The following EBF3 variants were observed in gnomAD, a reference collection of about 807,000 sequenced individuals.
EBF3 encodes EBF transcription factor 3, also known as transcription factor COE3.
In EBF3, 18 loss-of-function variants were observed where a neutral mutation model predicts 77.1. The ratio of observed to expected loss-of-function variants is 0.23; its 90% CI spans 0.16 to 0.35. EBF3 has a LOEUF of 0.35. Among genes scored for constraint, EBF3 ranks in the 10% least tolerant of loss-of-function variants. The pLI, the probability that EBF3 is intolerant of heterozygous loss-of-function variation, is 1.00. For synonymous variants in EBF3, 350 were observed against 343.5 expected (o/e 1.02, Z -0.21); for missense variants, 558 against 860.0 (o/e 0.65, Z 4.39).
rs1296299079 is a variant in EBF3 at position 129,938,686 on chromosome 10, G to A, written c.554+18572C>T. On this transcript the variant is annotated intron_variant, in intron 6 of 16. Coordinates refer to ENST00000440978, the MANE Select transcript of EBF3 (RefSeq NM_001375380.1). This position sits in a 1 kb window ranked among gnomAD's most constrained non-coding sequence, Gnocchi z 5.1. ...CTCCTTGGCTGTTGTCCACGAGAAA[G>A]GTGCGGCTGCAACCGACGAGCACTG... Among the ~76,000 whole-genome samples, 1 of 152,230 alleles carries A rather than the reference G, an allele frequency of 6.6e-6. No individual in the cohort carries two copies. Among genetic ancestry groups the A allele is most frequent in the Non-Finnish European group, 1.5e-5 (1 of 68,050 alleles).
At chr10:129,937,728 C>T (rs948603884) in intron 6 of EBF3, among the ~76,000 whole-genome samples, 4 of 152,132 alleles carry the variant, frequency 2.6e-5, no homozygotes, top group African/African-American at 9.7e-5. Flanking sequence ...TCACCATGGC[C>T]CACCCCCAGG....
At chr10:129,839,909 G>C (rs1433168317) in intron 15 of EBF3, among the ~76,000 whole-genome samples, 1 of 152,242 alleles carries the variant, frequency 6.6e-6, no homozygotes, top group Admixed American at 6.5e-5. Flanking sequence ...GAATCAGACC[G>C]ACAGTGACCA....
At chr10:129,887,319 A>C (rs1382579029) in intron 6 of EBF3, among the ~76,000 whole-genome samples, 1 of 152,220 alleles carries the variant, frequency 6.6e-6, no homozygotes, top group Non-Finnish European at 1.5e-5. Context: ...TTTATCGCTA[A>C]TGTATAATAT....
At chr10:129,855,964 C>T (rs763392268) in intron 10 of EBF3, among the ~76,000 whole-genome samples, 15 of 152,334 alleles carry the variant, frequency 9.8e-5, no homozygotes, top group Middle Eastern at 6.8e-3. Context: ...AAGCCCCTCC[C>T]GAGGCCAGAG....
intron 6 of EBF3, among the ~76,000 whole-genome samples, chr10:129,880,101 G>A (rs984162210): frequency 5.3e-5 from 8 of 152,122 alleles, no homozygotes; most frequent in East Asian, 1.9e-4. Flanking sequence ...AGAACAGAGC[G>A]AGTTTTGATG....
intron 6 of EBF3, among the ~76,000 whole-genome samples, chr10:129,906,955 C>T (rs1330516860): frequency 1.3e-5 from 2 of 152,172 alleles, no homozygotes; most frequent in Non-Finnish European, 2.9e-5. Flanking sequence ...CGAAAACCCA[C>T]CAGCATGGCC....
At chr10:129,895,051 G>A (rs1365108036) in intron 6 of EBF3, among the ~76,000 whole-genome samples, 1 of 152,234 alleles carries the variant, frequency 6.6e-6, no homozygotes, top group Non-Finnish European at 1.5e-5. Flanking sequence ...GAGTGGGCAT[G>A]CGGAACGGGG....
Position 129,963,001 on chromosome 10 carries a change from G to T in EBF3, c.296C>A (p.Pro99Gln). The change falls in exon 3 of 17, where the codon CCA becomes CAA. Residue 99 changes from proline to glutamine, a missense_variant. Pro to Gln is a moderately conservative substitution (Grantham distance 76). Transcript: ENST00000440978. The surrounding 1 kb of genome is among the most constrained non-coding windows in gnomAD (Gnocchi z 7.1). ...FVDFVEKEKE[P>Q]NNEKTNNGIH... is the part of the protein sequence containing the mutation. ...GCCGTTGTTGGTTTTCTCGTTGTTT[G>T]GCTCCTGAAAGTAACGATAAATAAT... 6.2e-7 allele frequency: 1 copy of T among 1,614,106 alleles called. No individual in the cohort carries two copies. Among genetic ancestry groups the T allele is most frequent in the Non-Finnish European group, 8.5e-7 (1 of 1,179,996 alleles).
intron 6 of EBF3, among the ~76,000 whole-genome samples, chr10:129,937,891 T>C (rs2134464711): frequency 6.6e-6 from 1 of 152,194 alleles, no homozygotes; most frequent in Non-Finnish European, 1.5e-5. Flanking sequence ...TCTTATAATA[T>C]TCCATCCCCC....
chr10:129,876,858 C>T (rs1019984920), intron 7 of EBF3, among the ~76,000 whole-genome samples: 9 of 138,234 alleles, frequency 6.5e-5, no homozygotes, highest in Non-Finnish European at 1.1e-4. Context: ...CATAATGGTA[C>T]ATAAATCTAT....
At position 129,913,076 on chromosome 10, in the gene EBF3, C is replaced by T. The variant is rs141248331; in HGVS notation, c.555-35227G>A. Among the ~76,000 whole-genome samples the T allele has an allele frequency of 2.9e-3, 437 of 152,328 alleles. 5 individuals are homozygous for T. Among genetic ancestry groups the T allele is most frequent in the African/African-American group, 9.8e-3 (406 of 41,570 alleles). ...ACAAATTGACAGCCCGATCTTTAAA[C>T]AAATGTGTTTCTTGGAGGGAAAACG... is the stretch of plus-strand genomic sequence containing the variant. On this transcript the variant is annotated intron_variant, in intron 6 of 16. Transcript: ENST00000440978.
At position 129,857,368 on chromosome 10, in the gene EBF3, G is replaced by A. The variant is rs143068607; in HGVS notation, c.1040-8888C>T. 6.4e-4 allele frequency among the ~76,000 whole-genome samples: 97 copies of A among 152,110 alleles called. No individual in the cohort carries two copies. In the Middle Eastern group the frequency reaches 0.014, roughly 21 times the overall value. On this transcript the variant is annotated intron_variant, in intron 10 of 16. Transcript: ENST00000440978. Reference sequence around the variant, plus strand: ...CCTCATCTGACCTCCTTCTTGCCACGGCAGCCCCCAACCCAGCCCTGGGCC... The same window carrying A: ...CCTCATCTGACCTCCTTCTTGCCACAGCAGCCCCCAACCCAGCCCTGGGCC...
At chr10:129,954,091 T>A (rs1372959591) in intron 6 of EBF3, among the ~76,000 whole-genome samples, 1 of 152,214 alleles carries the variant, frequency 6.6e-6, no homozygotes, top group Non-Finnish European at 1.5e-5. Context: ...TGTGTGTGTA[T>A]GTACAGAAGG....
chr10:129,915,717 T>C (rs1855843324), intron 6 of EBF3, among the ~76,000 whole-genome samples: 1 of 152,138 alleles, frequency 6.6e-6, no homozygotes, highest in African/African-American at 2.4e-5. Context: ...ACGAACACAT[T>C]CCCGCATGGC....
chr10:129,937,702 C>G (rs1857455133), intron 6 of EBF3, among the ~76,000 whole-genome samples: 1 of 141,840 alleles, frequency 7.1e-6, no homozygotes, highest in African/African-American at 2.5e-5. Flanking sequence ...GTGTTCCTCA[C>G]TGATACCTCA....
At chr10:129,907,467 A>G (rs1855225887) in intron 6 of EBF3, among the ~76,000 whole-genome samples, 1 of 152,214 alleles carries the variant, frequency 6.6e-6, no homozygotes, top group South Asian at 2.1e-4. Context: ...TGACGACAAA[A>G]TCTATTTCTC....
intron 6 of EBF3, among the ~76,000 whole-genome samples, chr10:129,890,933 C>T (rs1364134637): frequency 6.6e-6 from 1 of 152,220 alleles, no homozygotes; most frequent in African/African-American, 2.4e-5. Context: ...AAAGATTAAA[C>T]ATTCAATTTG....
rs1850194275 is a variant in EBF3, at chr10:129,842,993, G to A, written c.1194+144C>T. 3 of 741,248 alleles carry A rather than the reference G, an allele frequency of 4.0e-6. No individual in the cohort carries two copies. The highest frequency in any genetic ancestry group is 2.2e-6 in the Non-Finnish European group (1 of 455,528). The allele number at this position is 741,248 out of a possible 1,614,324, so 45.9% of individuals were successfully genotyped here. On this transcript the variant is annotated intron_variant, in intron 12 of 16. Coordinates refer to ENST00000440978, the MANE Select transcript of EBF3 (RefSeq NM_001375380.1). The surrounding 1 kb of genome is among the most constrained non-coding windows in gnomAD (Gnocchi z 4.4). Reference sequence around the variant, plus strand: ...GTGAACCTAGCGTGAGGGCAAGGATGGGAAGCCATTCTCACATCAGACTCC... The same window carrying A: ...GTGAACCTAGCGTGAGGGCAAGGATAGGAAGCCATTCTCACATCAGACTCC...
At chr10:129,882,073 GC>G (rs1386834403) in intron 6 of EBF3, among the ~76,000 whole-genome samples, 2 of 152,244 alleles carry the variant, frequency 1.3e-5, no homozygotes, top group African/African-American at 2.4e-5. Flanking sequence ...AAAGGGGCAA[GC>G]CCCCACCGCA....
Sources: gnomAD v4.1 joint callset for allele counts (sites outside exome capture counted in the v4.1 genomes callset) on GRCh38, gnomAD v4.1.1 for gene constraint, Gnocchi (gnomAD v3.1) non-coding constraint, MANE v1.5 for transcripts, NCBI Gene and HGNC (gene_info 2026-07-23, HGNC 2026-07-21) for gene names.